PLCG1: variants seen among roughly 807,000 people sequenced by gnomAD.
PLCG1 encodes phospholipase C gamma 1.
A neutral mutation model predicts 177.8 loss-of-function variants in PLCG1; 71 were observed. The observed-to-expected ratio is 0.40, with a 90% confidence interval of 0.33 to 0.49. The LOEUF (loss-of-function observed/expected upper bound fraction) is 0.49, where lower values mean the gene tolerates loss of function less well. Ranked by LOEUF, PLCG1 falls within the 20% of genes least tolerant of loss-of-function variation. The pLI is 0.72. For missense variants in PLCG1, 1,281 were observed against 1,709.0 expected (o/e 0.75, Z 4.42); for synonymous variants, 658 against 647.9 (o/e 1.02, Z -0.24).
In PLCG1 at chr20:41,160,191, G is replaced by A. The variant is rs759629604; in HGVS notation, c.512+38G>A. ...CTGTGGCTGTAGCCCAGCAGGGTGG[G>A]GATGGGCATCCAGAACCTTAGCCAG... is the stretch of plus-strand genomic sequence containing the variant. On this transcript the variant is annotated intron_variant, in intron 4 of 31. Coordinates refer to ENST00000685551, the MANE Select transcript of PLCG1 (RefSeq NM_002660.3). This position sits in a 1 kb window ranked among gnomAD's most constrained non-coding sequence, Gnocchi z 5.5. 12 of 1,590,342 alleles carry A rather than the reference G, an allele frequency of 7.5e-6. No homozygotes were observed. Among genetic ancestry groups the A allele is most frequent in the Non-Finnish European group, 1.0e-5 (12 of 1,158,900 alleles).
At chr20:41,168,415 C>T (rs562330675) in intron 20 of PLCG1, among the ~76,000 whole-genome samples, 14 of 152,218 alleles carry the variant, frequency 9.2e-5, no homozygotes, top group Non-Finnish European at 2.1e-4. Flanking sequence ...TTCCAGGTCC[C>T]GGGGAGGCAC....
In PLCG1 at chr20:41,156,159, A is replaced by G. The variant is rs1442549369; in HGVS notation, c.218-3447A>G. Among the ~76,000 whole-genome samples, 1 of 152,222 alleles carries G rather than the reference A, an allele frequency of 6.6e-6. No individual in the cohort carries two copies. Among genetic ancestry groups the G allele is most frequent in the Non-Finnish European group, 1.5e-5 (1 of 68,032 alleles). On this transcript the variant is annotated intron_variant, in intron 1 of 31. Coordinates refer to ENST00000685551, the MANE Select transcript of PLCG1 (RefSeq NM_002660.3). This position sits in a 1 kb window ranked among gnomAD's most constrained non-coding sequence, Gnocchi z 5.0. ...TCATTACTTCAGAGCCCCTTAAGAA[A>G]GACTGAATCTATTTCTTCATCAGAG...
intron 21 of PLCG1, 90 bp downstream of exon 21, chr20:41,168,960 G>A (rs995897574): frequency 1.8e-6 from 2 of 1,137,782 alleles, no homozygotes. Context: ...CTTGTCTCCT[G>A]TGTGCACCAG....
Position 41,160,096 on chromosome 20 carries a change from C to T in PLCG1, c.465-10C>T, listed in dbSNP as rs1357676735. The T allele has an allele frequency of 1.9e-6, 3 of 1,614,090 alleles. No homozygotes were observed. The highest frequency in any genetic ancestry group is 1.7e-5 in the Admixed American group (1 of 60,018). ...GAGAAGTGGCCCTCACCTCAGGCTT[C>T]TCTCTCCAGGTGGCTCCGGAAGCAG... On this transcript the variant is annotated splice_polypyrimidine_tract_variant and intron_variant, in intron 3 of 31. Transcript: ENST00000685551. The surrounding 1 kb of genome is among the most constrained non-coding windows in gnomAD (Gnocchi z 5.5).
Position 41,166,143 on chromosome 20 carries a change from T to C in PLCG1, c.1800-51T>C, listed in dbSNP as rs773570531. ...CTCATTTGGGGTGGAACTTGGTCTT[T>C]GGGGCCCTGGCCTGTTTTCCCCAGC... is the stretch of plus-strand genomic sequence containing the variant. On this transcript the variant is annotated intron_variant, in intron 16 of 31. Transcript: ENST00000685551. This position sits in a 1 kb window ranked among gnomAD's most constrained non-coding sequence, Gnocchi z 8.6. 1 of 1,534,006 alleles carries C rather than the reference T, an allele frequency of 6.5e-7. No individual in the cohort carries two copies. The highest frequency in any genetic ancestry group is 2.2e-5 in the East Asian group (1 of 44,452).
In PLCG1 at chr20:41,164,861, T is replaced by A. The variant is rs1391188863; in HGVS notation, c.1218-72T>A. 6.8e-7 allele frequency: 1 copy of A among 1,474,394 alleles called. No homozygotes were observed. Among genetic ancestry groups the A allele is most frequent in the Admixed American group, 1.9e-5 (1 of 53,402 alleles). 91.3% of individuals were successfully genotyped at this position (1,474,394 alleles called of 1,614,324 possible). ...CCCCAGGCCCTTGGCTTCCAACAGC[T>A]CACTGTGAGGGGCTACTTAGACCCA... On this transcript the variant is annotated intron_variant, in intron 12 of 31. Transcript: ENST00000685551. The surrounding 1 kb of genome is among the most constrained non-coding windows in gnomAD (Gnocchi z 6.4).
chr20:41,159,103 CTT>C lies in PLCG1; in HGVS notation c.218-502_218-501del, dbSNP rs1284031368. On this transcript the variant is annotated intron_variant, in intron 1 of 31. Coordinates refer to ENST00000685551, the MANE Select transcript of PLCG1 (RefSeq NM_002660.3). The surrounding 1 kb of genome is among the most constrained non-coding windows in gnomAD (Gnocchi z 6.0). ...GTGGGGATTAGGCCCCTTGCTGAGA[CTT>C]GTGTGGGGATGGCTTTAGCAGTTAG... is the stretch of plus-strand genomic sequence containing the variant. Among the ~76,000 whole-genome samples the C allele has an allele frequency of 6.6e-6, 1 of 152,160 alleles. No individual in the cohort carries two copies. Among genetic ancestry groups the C allele is most frequent in the Non-Finnish European group, 1.5e-5 (1 of 68,024 alleles).
chr20:41,174,076 A>G lies in PLCG1; in HGVS notation c.3646-48A>G. On this transcript the variant is annotated intron_variant, in intron 30 of 31. Coordinates refer to ENST00000685551, the MANE Select transcript of PLCG1 (RefSeq NM_002660.3). The surrounding 1 kb of genome is among the most constrained non-coding windows in gnomAD (Gnocchi z 5.8). The stretch of plus-strand genomic sequence containing the variant: ...AGGAGAGCCAGGCAGCAGCCTCTAG[A>G]AGTGCAGAGGAGTCATTGACCCTCT... 6.2e-7 allele frequency: 1 copy of G among 1,609,308 alleles called. No homozygotes were observed. The highest frequency in any genetic ancestry group is 8.5e-7 in the Non-Finnish European group (1 of 1,175,858).
chr20:41,150,385 G>A lies in PLCG1; in HGVS notation c.218-9221G>A, dbSNP rs1860949692. On this transcript the variant is annotated intron_variant, in intron 1 of 31. Transcript: ENST00000685551. The surrounding 1 kb of genome is among the most constrained non-coding windows in gnomAD (Gnocchi z 4.0). ...TAGCCTGAGTGTACTATGTGGGGGA[G>A]CATTTTATGAGGGACTTTTGAGGTC... is the stretch of plus-strand genomic sequence containing the variant. 6.6e-6 allele frequency among the ~76,000 whole-genome samples: 1 copy of A among 152,194 alleles called. No individual in the cohort carries two copies. Among genetic ancestry groups the A allele is most frequent in the Admixed American group, 6.5e-5 (1 of 15,284 alleles).
In PLCG1 at chr20:41,165,608, C is replaced by T. The variant is rs911075243; in HGVS notation, c.1612-31C>T. 1 of 1,611,172 alleles carries T rather than the reference C, an allele frequency of 6.2e-7. No individual in the cohort carries two copies. Among genetic ancestry groups the T allele is most frequent in the Non-Finnish European group, 8.5e-7 (1 of 1,177,586 alleles). ...CCAGGTCAGGCCTGGGCCAGGGTCA[C>T]AGTATCTTTGCTGTTGCCTTCCCCT... On this transcript the variant is annotated intron_variant, in intron 15 of 31. Transcript: ENST00000685551. The surrounding 1 kb of genome is among the most constrained non-coding windows in gnomAD (Gnocchi z 6.6).
chr20:41,149,384 G>A (rs925713738), intron 1 of PLCG1, among the ~76,000 whole-genome samples: 1 of 152,190 alleles, frequency 6.6e-6, no homozygotes, highest in African/African-American at 2.4e-5. Flanking sequence ...TGGATTGGGG[G>A]CTGGTGAGAG....
intron 1 of PLCG1, among the ~76,000 whole-genome samples, chr20:41,154,864 A>G (rs1379389630): frequency 1.3e-5 from 2 of 152,190 alleles, no homozygotes; most frequent in Non-Finnish European, 2.9e-5. Flanking sequence ...AGGGTTGTAT[A>G]GCTTCACAGC....
chr20:41,167,903 G>T lies in PLCG1; in HGVS notation c.2353G>T (p.Glu785Ter). ...YEGRNPGFYV[E>*]ANPMPTFKCA... ...GGGACGCAACCCTGGCTTCTATGTA[G>T]AGGCAAACCCTATGCCAACTTTCAA... The change falls in exon 20 of 32, where the codon GAG becomes TAG. Residue 785 changes from glutamate (E) to a stop codon, truncating the protein, a stop_gained. Coordinates refer to ENST00000685551, the MANE Select transcript of PLCG1 (RefSeq NM_002660.3). LOFTEE classifies it high-confidence loss of function. This position sits in a 1 kb window ranked among gnomAD's most constrained non-coding sequence, Gnocchi z 4.4. 1 of 1,613,806 alleles carries T rather than the reference G, an allele frequency of 6.2e-7. No homozygotes were observed. Among genetic ancestry groups the T allele is most frequent in the Non-Finnish European group, 8.5e-7 (1 of 1,179,824 alleles).
Position 41,165,013 on chromosome 20 carries a change from T to TG in PLCG1, c.1303dup (p.Asp435GlyfsTer22). 3 of 1,614,192 alleles carry TG rather than the reference T, an allele frequency of 1.9e-6. No homozygotes were observed. Among genetic ancestry groups the TG allele is most frequent in the Non-Finnish European group, 2.5e-6 (3 of 1,180,014 alleles). On this transcript the variant is annotated frameshift_variant, in exon 13 of 32. Transcript: ENST00000685551. LOFTEE classifies it high-confidence loss of function. The surrounding 1 kb of genome is among the most constrained non-coding windows in gnomAD (Gnocchi z 6.6). The stretch of plus-strand genomic sequence containing the variant: ...ATGGCCCAATACTTCAAGAAGGTGC[T>TG]GGGGGACACACTCCTCACCAAGCCC...
Position 41,174,635 on chromosome 20 carries a change from A to G in PLCG1, c.*126A>G. On this transcript the variant is annotated 3_prime_UTR_variant, in exon 32 of 32. Transcript: ENST00000685551. The surrounding 1 kb of genome is among the most constrained non-coding windows in gnomAD (Gnocchi z 5.8). The stretch of plus-strand genomic sequence containing the variant: ...TCTCGCAGCCTGAAGCCTGGATTCC[A>G]GCAGTGAATGCTAGACAGAAACCAA... 2 of 790,246 alleles carry G rather than the reference A, an allele frequency of 2.5e-6. No individual in the cohort carries two copies. The highest frequency in any genetic ancestry group is 4.3e-6 in the Non-Finnish European group (2 of 464,788). The allele number at this position is 790,246 out of a possible 1,614,324, so 49.0% of individuals were successfully genotyped here.
At chr20:41,155,504 G>C (rs1478056373) in intron 1 of PLCG1, among the ~76,000 whole-genome samples, 1 of 152,202 alleles carries the variant, frequency 6.6e-6, no homozygotes, top group African/African-American at 2.4e-5. Context: ...GGGCACTGCA[G>C]GCTCAGGAAG....
Position 41,167,805 on chromosome 20 carries a change from C to G in PLCG1, c.2302-47C>G, listed in dbSNP as rs1201072431. On this transcript the variant is annotated intron_variant, in intron 19 of 31. Coordinates refer to ENST00000685551, the MANE Select transcript of PLCG1 (RefSeq NM_002660.3). The surrounding 1 kb of genome is among the most constrained non-coding windows in gnomAD (Gnocchi z 4.4). ...CCAGAAACCAGTAGCTGCTTTCTAC[C>G]TCTGGGCTCTGGGGCATTAACATAT... 3 of 1,371,750 alleles carry G rather than the reference C, an allele frequency of 2.2e-6. No individual in the cohort carries two copies. The highest frequency in any genetic ancestry group is 2.3e-5 in the South Asian group (2 of 85,432). 85.0% of individuals were successfully genotyped at this position (1,371,750 alleles called of 1,614,324 possible).
rs1568765080 is a variant in PLCG1, at chr20:41,176,494, G to GTTGGT, written c.*1987_*1991dup. 1 of 152,168 alleles carries GTTGGT rather than the reference G, an allele frequency of 6.6e-6. No individual in the cohort carries two copies. The highest frequency in any genetic ancestry group is 1.5e-5 in the Non-Finnish European group (1 of 68,036). The allele number at this position is 152,168 out of a possible 1,614,324, so 9.4% of individuals were successfully genotyped here. A position where few individuals can be genotyped will look rare whatever the true frequency, so the allele number is the denominator to read the frequency against. The stretch of plus-strand genomic sequence containing the variant: ...GGCCCTTCTGTTAGGGCCCATCCAC[G>GTTGGT]TTGGTTAGGACGTCCTTGGCGTGTT... On this transcript the variant is annotated 3_prime_UTR_variant, in exon 32 of 32. Coordinates refer to ENST00000685551, the MANE Select transcript of PLCG1 (RefSeq NM_002660.3).
rs1313485328 is a variant in PLCG1 at position 41,165,997 on chromosome 20, C to CA, written c.1799+171_1799+172insA. 1 of 685,098 alleles carries CA rather than the reference C, an allele frequency of 1.5e-6. No individual in the cohort carries two copies. Among genetic ancestry groups the CA allele is most frequent in the East Asian group, 2.8e-5 (1 of 35,466 alleles). 42.4% of individuals were successfully genotyped at this position (685,098 alleles called of 1,614,324 possible). On this transcript the variant is annotated intron_variant, in intron 16 of 31. Transcript: ENST00000685551. This position sits in a 1 kb window ranked among gnomAD's most constrained non-coding sequence, Gnocchi z 6.6. ...ACACACACTCTCTGTCTCACCCCCC[C>CA]CCCATACCCCTCCCTTTTCGGTTCA...
Sources: gnomAD v4.1 joint callset for allele counts (sites outside exome capture counted in the v4.1 genomes callset) on GRCh38, gnomAD v4.1.1 for gene constraint, Gnocchi (gnomAD v3.1) non-coding constraint, MANE v1.5 for transcripts, NCBI Gene and HGNC (gene_info 2026-07-23, HGNC 2026-07-21) for gene names.